Variants in CDH20 observed in about 807,000 individuals in gnomAD.
CDH20 encodes the protein cadherin 20.
In CDH20, 29 loss-of-function variants were observed where a neutral mutation model predicts 74.2. The observed-to-expected ratio is 0.39, with a 90% confidence interval of 0.29 to 0.53. The LOEUF is 0.53. Ranked by LOEUF, CDH20 falls within the 20% of genes least tolerant of loss-of-function variation. CDH20 has a pLI of 0.69. For synonymous variants in CDH20, 469 were observed against 405.4 expected (o/e 1.16, Z -1.88); for missense variants, 988 against 1,048.3 (o/e 0.94, Z 0.79).
At chr18:61,482,108 G>C (rs995378676) in intron 1 of CDH20, among the ~76,000 whole-genome samples, 5 of 152,184 alleles carry the variant, frequency 3.3e-5, no homozygotes, top group South Asian at 2.1e-4. Context: ...CCAGGACAGG[G>C]AAGCTGGATT....
chr18:61,542,996 G>T (rs983931859), intron 9 of CDH20, among the ~76,000 whole-genome samples: 5 of 152,206 alleles, frequency 3.3e-5, no homozygotes, highest in African/African-American at 1.2e-4. Context: ...ATGGGGATCA[G>T]ATTTCAACAT....
At position 61,450,017 on chromosome 18, in the gene CDH20, T is replaced by G. The variant is rs142826499; in HGVS notation, c.-152-40385T>G. Reference sequence around the variant, plus strand: ...GAATACTTACTAGGTATCAATATTTTAGTAAACGCAATCCCCGCAACAAAT... The same window carrying G: ...GAATACTTACTAGGTATCAATATTTGAGTAAACGCAATCCCCGCAACAAAT... On this transcript the variant is annotated intron_variant, in intron 1 of 11. Transcript: ENST00000262717. Among the ~76,000 whole-genome samples, 780 of 152,186 alleles carry G rather than the reference T, an allele frequency of 5.1e-3. 4 individuals carry two copies. The highest frequency in any genetic ancestry group is 7.5e-3 in the Non-Finnish European group (509 of 67,924).
intron 1 of CDH20, among the ~76,000 whole-genome samples, chr18:61,485,928 C>G (rs1164382422): frequency 2.0e-5 from 3 of 152,062 alleles, no homozygotes; most frequent in Admixed American, 6.6e-5. Context: ...AAAAAATTAG[C>G]CGGGTGTGGT....
intron 1 of CDH20, among the ~76,000 whole-genome samples, chr18:61,476,887 G>T (rs570035385): frequency 2.4e-4 from 36 of 152,274 alleles, no homozygotes; most frequent in African/African-American, 8.7e-4. Context: ...AACTTCCCAA[G>T]AAAAATTAAA....
chr18:61,501,561 C>G (rs1911385514), intron 4 of CDH20, among the ~76,000 whole-genome samples: 1 of 152,150 alleles, frequency 6.6e-6, no homozygotes, highest in South Asian at 2.1e-4. Context: ...ATGGTGAACA[C>G]TCAAAGTCAC....
At chr18:61,338,947 TA>T (rs1181241305) in intron 1 of CDH20, among the ~76,000 whole-genome samples, 1 of 152,202 alleles carries the variant, frequency 6.6e-6, no homozygotes, top group East Asian at 1.9e-4. Flanking sequence ...TGGTTTTTAA[TA>T]AGGAATATAA....
intron 2 of CDH20, among the ~76,000 whole-genome samples, chr18:61,493,338 G>A (rs1911025794): frequency 6.6e-6 from 1 of 152,064 alleles, no homozygotes; most frequent in Non-Finnish European, 1.5e-5. Flanking sequence ...CCTGTGAAAA[G>A]ACTCTTCCCA....
chr18:61,444,043 C>T (rs1422525795), intron 1 of CDH20, among the ~76,000 whole-genome samples: 1 of 152,134 alleles, frequency 6.6e-6, no homozygotes, highest in African/African-American at 2.4e-5. Context: ...AATACCTGGA[C>T]TCTCTCAGAC....
chr18:61,396,197 C>T (rs1253715572), intron 1 of CDH20, among the ~76,000 whole-genome samples: 1 of 152,152 alleles, frequency 6.6e-6, no homozygotes, highest in Non-Finnish European at 1.5e-5. Context: ...AGTGCTCTCT[C>T]TCTAGCAGCT....
chr18:61,545,092 C>T lies in CDH20; in HGVS notation c.1596C>T (p.Ser532=), dbSNP rs1913192888. The change falls in exon 10 of 12, where the codon AGC becomes AGT. Residue 532 remains serine, a synonymous_variant. Coordinates refer to ENST00000262717, the MANE Select transcript of CDH20 (RefSeq NM_031891.4). ...GCAATGGTCAGCATTTCTACTACAGCTTGGCTCCTGAGGCTGCTAACAACC... is the reference window on the plus strand; with the variant it reads ...GCAATGGTCAGCATTTCTACTACAGTTTGGCTCCTGAGGCTGCTAACAACC... The part of the protein sequence containing the change: ...DPRNGQHFYY[S]LAPEAANNPN... The T allele has an allele frequency of 6.2e-7, 1 of 1,614,004 alleles. No individual in the cohort carries two copies. Among genetic ancestry groups the T allele is most frequent in the Non-Finnish European group, 8.5e-7 (1 of 1,179,932 alleles).
At chr18:61,536,125 A>C (rs899600052) in intron 7 of CDH20, among the ~76,000 whole-genome samples, 2 of 152,202 alleles carry the variant, frequency 1.3e-5, no homozygotes, top group African/African-American at 4.8e-5. Flanking sequence ...AACTCATTTG[A>C]ATACAATTCT....
chr18:61,489,379 A>G (rs1006441193), intron 1 of CDH20, among the ~76,000 whole-genome samples: 1 of 152,090 alleles, frequency 6.6e-6, no homozygotes, highest in Non-Finnish European at 1.5e-5. Context: ...TTGTTCTCAG[A>G]TGACAGCAGT....
chr18:61,459,569 T>C (rs530130126), intron 1 of CDH20, among the ~76,000 whole-genome samples: 230 of 152,280 alleles, frequency 1.5e-3, no homozygotes, highest in Admixed American at 2.7e-3. Context: ...TCTCAAAGTG[T>C]GCCACTCCTT....
intron 7 of CDH20, among the ~76,000 whole-genome samples, chr18:61,528,446 G>GACACACACACACAC (rs1555683467): frequency 4.1e-5 from 4 of 97,710 alleles, no homozygotes; most frequent in South Asian, 3.4e-4. Context: ...AATTGGTTGA[G>GACACACACACACAC]ACACACACAC....
intron 1 of CDH20, among the ~76,000 whole-genome samples, chr18:61,459,515 T>C (rs2144355366): frequency 1.3e-5 from 2 of 152,222 alleles, no homozygotes; most frequent in South Asian, 4.1e-4. Context: ...TGGCCAGGTG[T>C]TGGGAGAAAG....
chr18:61,367,563 AT>A (rs754083846), intron 1 of CDH20, among the ~76,000 whole-genome samples: 5 of 152,058 alleles, frequency 3.3e-5, no homozygotes, highest in Non-Finnish European at 7.4e-5. Flanking sequence ...CAATCTCTAG[AT>A]GCTGCTGGTA....
intron 1 of CDH20, among the ~76,000 whole-genome samples, chr18:61,468,193 T>C (rs1352957556): frequency 2.6e-5 from 4 of 152,206 alleles, no homozygotes; most frequent in African/African-American, 9.6e-5. Flanking sequence ...GCAGCCGTGA[T>C]CCAATCACCA....
chr18:61,487,521 G>A (rs893631405), intron 1 of CDH20, among the ~76,000 whole-genome samples: 4 of 152,190 alleles, frequency 2.6e-5, no homozygotes, highest in South Asian at 2.1e-4. Flanking sequence ...GACAGAAAGA[G>A]TTGGTACGAC....
At chr18:61,538,952 A>G in intron 8 of CDH20, 72 bp from the exon 9 acceptor site, 1 of 1,511,308 alleles carries the variant, frequency 6.6e-7, no homozygotes, top group Non-Finnish European at 8.9e-7. Flanking sequence ...ACTTCTAGCA[A>G]AAACCATTAC....
Sources: gnomAD v4.1 joint callset for allele counts (sites outside exome capture counted in the v4.1 genomes callset) on GRCh38, gnomAD v4.1.1 for gene constraint, MANE v1.5 for transcripts, NCBI Gene and HGNC (gene_info 2026-07-23, HGNC 2026-07-21) for gene names.